MSANTD1: variants seen among roughly 807,000 people sequenced by gnomAD.
The protein encoded by MSANTD1 is Myb/SANT DNA binding domain containing 1, also known as myb/SANT-like DNA-binding domain-containing protein 1.
A neutral mutation model predicts 24.2 loss-of-function variants in MSANTD1; 7 were observed. The observed-to-expected ratio is 0.29, with a 90% CI of 0.16 to 0.54. MSANTD1 has a LOEUF of 0.54. Ranked by LOEUF, MSANTD1 falls within the 20% of genes least tolerant of loss-of-function variation. The pLI is 0.94. For synonymous variants in MSANTD1, 177 were observed against 181.1 expected, an observed-to-expected ratio of 0.98 and a Z score of 0.18; for missense variants, 384 against 408.2, an observed-to-expected ratio of 0.94 and a Z score of 0.51.
Position 3,249,419 on chromosome 4 carries a change from A to G in MSANTD1, c.197A>G (p.Lys66Arg), listed in dbSNP as rs138567264. Reference protein sequence around the residue: ...LVWEEFFDELKQTKRNAKVYE... With the variant: ...LVWEEFFDELRQTKRNAKVYE... ...TGGGAGGAGTTCTTCGACGAGCTCA[A>G]GCAGACCAAGCGCAACGCCAAGGTG... Residue 66 changes from lysine (K) to arginine (R), a missense_variant, in exon 1 of 3, where the codon AAG becomes AGG. By Grantham distance (26) the Lys-to-Arg change is conservative (BLOSUM62 2). Coordinates refer to ENST00000438480, the MANE Select transcript of MSANTD1 (RefSeq NM_001042690.2). 3.7e-6 allele frequency: 6 copies of G among 1,607,076 alleles called. No individual in the cohort carries two copies. The East Asian group carries it at 6.7e-5, about 18-fold the overall frequency.
chr4:3,244,813 T>A (rs1252073046), upstream of MSANTD1: 2 of 152,306 alleles, frequency 1.3e-5, no homozygotes, highest in Non-Finnish European at 2.9e-5. Context: ...CTGCTGTCTG[T>A]GCCAGGAGAG....
chr4:3,247,201 C>G (rs1207547702), upstream of MSANTD1, among the ~76,000 whole-genome samples: 2 of 152,158 alleles, frequency 1.3e-5, no homozygotes, highest in Non-Finnish European at 2.9e-5. Context: ...CAGCACCATG[C>G]TGGGTGATAT....
At chr4:3,247,596 G>A (rs1041008855), upstream of MSANTD1, 16 of 152,366 alleles carry the variant, frequency 1.1e-4, no homozygotes, top group African/African-American at 3.9e-4. Flanking sequence ...ATGCCCCAGT[G>A]CCAGGCAGTA....
chr4:3,255,092 C>T (rs934595488), intron 2 of MSANTD1, among the ~76,000 whole-genome samples: 1 of 152,228 alleles, frequency 6.6e-6, no homozygotes, highest in African/African-American at 2.4e-5. Context: ...TGCTCCCTGG[C>T]AGGATATGCC....
intron 1 of MSANTD1, among the ~76,000 whole-genome samples, chr4:3,250,321 C>T (rs552990007): frequency 2.0e-5 from 3 of 152,292 alleles, no homozygotes; most frequent in South Asian, 2.1e-4. Flanking sequence ...CAGGGAAGGC[C>T]GGAGGGGACC....
In MSANTD1 at chr4:3,255,722, C is replaced by A; in HGVS notation, c.597-3C>A. 6.5e-7 allele frequency: 1 copy of A among 1,535,998 alleles called. No homozygotes were observed. The highest frequency in any genetic ancestry group is 2.5e-5 in the East Asian group (1 of 40,634). ...ACGTCCACAGCCGGCACTGTCCTTC[C>A]AGGTCGGAGGAGCGGCCGGTGAAGA... On this transcript the variant is annotated splice_region_variant and splice_polypyrimidine_tract_variant and intron_variant, in intron 2 of 2. Transcript: ENST00000438480.
chr4:3,244,411 A>T (rs1578627077), upstream of MSANTD1: 2 of 151,998 alleles, frequency 1.3e-5, no homozygotes, highest in African/African-American at 4.8e-5. Flanking sequence ...CCACCCTTCC[A>T]CCTCCTTGGC....
Position 3,256,078 on chromosome 4 carries a change from G to T in MSANTD1, c.*113G>T, listed in dbSNP as rs561243460. 7.7e-7 allele frequency: 1 copy of T among 1,294,168 alleles called. No individual in the cohort carries two copies. Among genetic ancestry groups the T allele is most frequent in the Admixed American group, 3.4e-5 (1 of 29,324 alleles). The allele number at this position is 1,294,168 out of a possible 1,614,324, so 80.2% of individuals were successfully genotyped here. A position where few individuals can be genotyped will look rare whatever the true frequency, so the allele number is the denominator to read the frequency against. The stretch of plus-strand genomic sequence containing the variant: ...GGGGGCCGCCCCGCGAGCGGAGACC[G>T]CCTTCCACCTGGCCTCTGGCAGGAT... On this transcript the variant is annotated 3_prime_UTR_variant, in exon 3 of 3. Transcript: ENST00000438480.
chr4:3,247,959 C>G (rs192724012), upstream of MSANTD1: 24 of 152,432 alleles, frequency 1.6e-4, no homozygotes, highest in East Asian at 4.4e-3. Flanking sequence ...AGCTGCCCTT[C>G]TTGGGGCAGC....
At chr4:3,247,014 G>A (rs1041455260), upstream of MSANTD1, among the ~76,000 whole-genome samples, 15 of 152,262 alleles carry the variant, frequency 9.9e-5, no homozygotes, top group South Asian at 2.7e-3. Flanking sequence ...AGAGCCGTCC[G>A]GTGGGGGCCC....
chr4:3,253,606 G>T, intron 2 of MSANTD1, 124 bp downstream of exon 2: 1 of 1,052,778 alleles, frequency 9.5e-7, no homozygotes, highest in Non-Finnish European at 1.3e-6. Context: ...CGTGGCTGCG[G>T]GCAGCGCCTC....
At chr4:3,249,058 T>G, upstream of MSANTD1, 6 of 544,106 alleles carry the variant, frequency 1.1e-5, no homozygotes, top group South Asian at 4.9e-5. Flanking sequence ...AGTTAAAAGG[T>G]TTCTGTTGTT....
At chr4:3,254,009 C>A (rs34030762) in intron 2 of MSANTD1, among the ~76,000 whole-genome samples, 44,310 of 151,832 alleles carry the variant, frequency 0.29, 7,847 homozygotes, top group Non-Finnish European at 0.37. Context: ...ACCTCAGACC[C>A]GTCCCGTGCT....
upstream of MSANTD1, among the ~76,000 whole-genome samples, chr4:3,246,839 TC>T (rs964077097): frequency 1.3e-5 from 2 of 152,188 alleles, no homozygotes; most frequent in Non-Finnish European, 2.9e-5. Flanking sequence ...GTCCAGGGCC[TC>T]CCATGTGCAC....
In MSANTD1 at chr4:3,249,391, G is replaced by A; in HGVS notation, c.169G>A (p.Val57Ile). Residue 57 changes from valine (V) to isoleucine (I), a missense_variant, in exon 1 of 3, where the codon GTC becomes ATC. Coordinates refer to ENST00000438480, the MANE Select transcript of MSANTD1 (RefSeq NM_001042690.2). ...TDAEMRGLML[V>I]WEEFFDELKQ... ...CGCCGAGATGCGCGGCCTCATGCTG[G>A]TCTGGGAGGAGTTCTTCGACGAGCT... 1.3e-6 allele frequency: 2 copies of A among 1,592,194 alleles called. No homozygotes were observed. The highest frequency in any genetic ancestry group is 1.1e-5 in the South Asian group (1 of 87,268).
At chr4:3,246,881 C>G (rs550805512), upstream of MSANTD1, among the ~76,000 whole-genome samples, 1 of 152,294 alleles carries the variant, frequency 6.6e-6, no homozygotes, top group South Asian at 2.1e-4. Flanking sequence ...TGGAGTTGAG[C>G]CTTTTACCCT....
At position 3,255,835 on chromosome 4, in the gene MSANTD1, C is replaced by A. The variant is rs1316272375; in HGVS notation, c.707C>A (p.Ala236Asp). The change falls in exon 3 of 3, where the codon GCC (alanine) becomes GAC (aspartate). Residue 236 changes from alanine to aspartate, a missense_variant. Physicochemically the swap from Ala to Asp is moderately radical, Grantham distance 126 (BLOSUM62 -2). Transcript: ENST00000438480. ...GAGGAGCAGCGCCGGCTGAGCCGCG[C>A]CGTGGAGGAGACCTGCCGCGAGGTG... is the stretch of plus-strand genomic sequence containing the variant. ...MVEEQRRLSR[A>D]VEETCREVRR... 4 of 1,545,664 alleles carry A rather than the reference C, an allele frequency of 2.6e-6. No individual in the cohort carries two copies. Among genetic ancestry groups the A allele is most frequent in the Non-Finnish European group, 1.7e-6 (2 of 1,146,576 alleles).
chr4:3,254,545 G>A (rs542863538), intron 2 of MSANTD1, among the ~76,000 whole-genome samples: 5 of 152,328 alleles, frequency 3.3e-5, no homozygotes, highest in African/African-American at 1.2e-4. Context: ...GAGGTTGGCT[G>A]TACCCTCTCA....
chr4:3,253,236 C>T lies in MSANTD1; in HGVS notation c.350C>T (p.Ser117Phe). 6.3e-7 allele frequency: 1 copy of T among 1,577,964 alleles called. No individual in the cohort carries two copies. Among genetic ancestry groups the T allele is most frequent in the Non-Finnish European group, 8.6e-7 (1 of 1,157,444 alleles). The change falls in exon 2 of 3, where the codon TCC becomes TTC. Residue 117 changes from serine (S) to phenylalanine (F), a missense_variant. Coordinates refer to ENST00000438480, the MANE Select transcript of MSANTD1 (RefSeq NM_001042690.2). ...RKLKCMTDSESAPPDWPYYLA... is the reference protein window; with the variant it reads ...RKLKCMTDSEFAPPDWPYYLA... ...TTAAAATGCATGACAGATAGCGAGT[C>T]CGCCCCGCCCGACTGGCCCTATTAC...
Sources: allele counts gnomAD v4.1 joint callset (sites outside exome capture counted in the v4.1 genomes callset), GRCh38; gene constraint gnomAD v4.1.1; transcripts MANE v1.5; gene names NCBI Gene and HGNC (gene_info 2026-07-23, HGNC 2026-07-21).